CAMTA1: variants seen among roughly 807,000 people sequenced by gnomAD.
CAMTA1 encodes calmodulin-binding transcription activator 1.
CAMTA1 carries 27 observed loss-of-function variants against 170.9 expected under a neutral mutation model. That is an observed-to-expected ratio of 0.16 (90% CI 0.12 to 0.22). The LOEUF (loss-of-function observed/expected upper bound fraction) is 0.22, where lower values mean the gene tolerates loss of function less well. Ranked by LOEUF, CAMTA1 falls within the 10% of genes least tolerant of loss-of-function variation. The pLI is 1.00. For synonymous variants in CAMTA1, 833 were observed against 891.5 expected, an observed-to-expected ratio of 0.93 and a Z score of 1.17; for missense variants, 1,619 against 2,217.2, an observed-to-expected ratio of 0.73 and a Z score of 5.42.
intron 4 of CAMTA1, among the ~76,000 whole-genome samples, chr1:7,133,500 T>G (rs1474601081): frequency 1.2e-4 from 19 of 152,188 alleles, no homozygotes; most frequent in Non-Finnish European, 2.9e-5. Flanking sequence ...GTTTATCAAT[T>G]TTATTGAGCT....
chr1:7,338,655 G>C (rs1301586252), intron 5 of CAMTA1, among the ~76,000 whole-genome samples: 1 of 152,194 alleles, frequency 6.6e-6, no homozygotes, highest in Non-Finnish European at 1.5e-5. Context: ...TTTCAAGTTG[G>C]TGTGTGTGCC....
intron 3 of CAMTA1, among the ~76,000 whole-genome samples, chr1:6,883,702 G>C (rs1672286697): frequency 6.6e-6 from 1 of 152,116 alleles, no homozygotes; most frequent in Admixed American, 6.5e-5. Context: ...TCGAAGAGTA[G>C]ATAGAGGGCT....
At chr1:7,498,108 G>T (rs1164820025) in intron 6 of CAMTA1, among the ~76,000 whole-genome samples, 1 of 152,142 alleles carries the variant, frequency 6.6e-6, no homozygotes, top group African/African-American at 2.4e-5. Flanking sequence ...GAGGGGGAGG[G>T]AGGAAACGTC....
chr1:7,250,210 G>A (rs1666410562), intron 5 of CAMTA1, among the ~76,000 whole-genome samples: 1 of 152,186 alleles, frequency 6.6e-6, no homozygotes, highest in Non-Finnish European at 1.5e-5. Context: ...GTAAAGACTG[G>A]TTTCCTTGCT....
intron 5 of CAMTA1, among the ~76,000 whole-genome samples, chr1:7,351,615 G>A (rs2084679784): frequency 6.6e-6 from 1 of 152,210 alleles, no homozygotes; most frequent in African/African-American, 2.4e-5. Flanking sequence ...GCCATTCGGG[G>A]TGATGGACTT....
At chr1:7,246,473 A>G (rs897013067) in intron 4 of CAMTA1, among the ~76,000 whole-genome samples, 6 of 152,066 alleles carry the variant, frequency 3.9e-5, no homozygotes, top group Non-Finnish European at 7.4e-5. Flanking sequence ...AGCTTCTGTT[A>G]TCCTGTCTGC....
intron 3 of CAMTA1, among the ~76,000 whole-genome samples, chr1:6,858,541 C>T (rs1663387313): frequency 6.6e-6 from 1 of 150,642 alleles, no homozygotes; most frequent in African/African-American, 2.4e-5. Context: ...GTTTAGCCGG[C>T]ATTATACTGG....
At position 7,732,067 on chromosome 1, in the gene CAMTA1, T is replaced by C. The variant is rs953779525; in HGVS notation, c.2915-381T>C. 4.6e-5 allele frequency among the ~76,000 whole-genome samples: 7 copies of C among 152,172 alleles called. No homozygotes were observed. Among genetic ancestry groups the C allele is most frequent in the Admixed American group, 1.3e-4 (2 of 15,274 alleles). On this transcript the variant is annotated intron_variant, in intron 11 of 22. Transcript: ENST00000303635. The surrounding 1 kb of genome is among the most constrained non-coding windows in gnomAD (Gnocchi z 4.1). ...TTCCTTTCTTGCTGTGATTGCTTTC[T>C]TCTACTAGTTTAATTTAAATTGTAT... is the stretch of plus-strand genomic sequence containing the variant.
intron 6 of CAMTA1, among the ~76,000 whole-genome samples, chr1:7,530,343 C>G (rs2094476612): frequency 6.6e-6 from 1 of 152,230 alleles, no homozygotes; most frequent in Admixed American, 6.5e-5. Flanking sequence ...ATGCACTGAG[C>G]TGACCGAAGT....
intron 22 of CAMTA1, among the ~76,000 whole-genome samples, chr1:7,760,266 C>A (rs1472375500): frequency 6.6e-6 from 1 of 152,350 alleles, no homozygotes; most frequent in Admixed American, 6.5e-5. Flanking sequence ...GGGGTCTCAA[C>A]AGAGCAGCTC....
At chr1:7,051,156 G>A (rs549922601) in intron 3 of CAMTA1, among the ~76,000 whole-genome samples, 296 of 152,262 alleles carry the variant, frequency 1.9e-3, no homozygotes, top group Non-Finnish European at 1.8e-3. Flanking sequence ...AGTGCTTAGC[G>A]GAAGGTTGAT....
intron 1 of CAMTA1, among the ~76,000 whole-genome samples, chr1:6,806,066 A>AT (rs1182113046): frequency 6.6e-6 from 1 of 151,948 alleles, no homozygotes; most frequent in Non-Finnish European, 1.5e-5. Flanking sequence ...TTCCAGCTTC[A>AT]TTTTTTTGCA....
chr1:6,996,403 A>G (rs1021832299), intron 3 of CAMTA1, among the ~76,000 whole-genome samples: 1 of 152,182 alleles, frequency 6.6e-6, no homozygotes, highest in African/African-American at 2.4e-5. Context: ...TGCAGCAGAA[A>G]TCTCTGTCCA....
intron 11 of CAMTA1, chr1:7,693,950 AC>A (rs1324736146): frequency 6.6e-6 from 1 of 152,204 alleles, no homozygotes; most frequent in Admixed American, 6.5e-5. Flanking sequence ...GCCAGCATCT[AC>A]CCTAAATCAT....
At chr1:7,220,486 C>T (rs530135205) in intron 4 of CAMTA1, among the ~76,000 whole-genome samples, 4 of 152,266 alleles carry the variant, frequency 2.6e-5, no homozygotes, top group East Asian at 1.9e-4. Flanking sequence ...ACCCCATTCC[C>T]GGGAGCGTTC....
intron 5 of CAMTA1, among the ~76,000 whole-genome samples, chr1:7,396,846 C>A (rs1425643824): frequency 1.3e-5 from 2 of 152,158 alleles, no homozygotes; most frequent in Non-Finnish European, 2.9e-5. Context: ...GGATGAGTAC[C>A]ACTTGATCAT....
At chr1:7,184,901 A>G (rs958208290) in intron 4 of CAMTA1, among the ~76,000 whole-genome samples, 2 of 152,246 alleles carry the variant, frequency 1.3e-5, no homozygotes, top group African/African-American at 2.4e-5. Context: ...TATTTTGGCC[A>G]TGTACCACCA....
At chr1:6,811,634 G>T (rs529287456) in intron 1 of CAMTA1, among the ~76,000 whole-genome samples, 2 of 152,302 alleles carry the variant, frequency 1.3e-5, no homozygotes, top group African/African-American at 4.8e-5. Context: ...AGAGCTGTGA[G>T]TAGTTTTATA....
intron 6 of CAMTA1, among the ~76,000 whole-genome samples, chr1:7,476,717 A>T (rs2093425345): frequency 1.3e-5 from 2 of 152,144 alleles, no homozygotes; most frequent in Admixed American, 1.3e-4. Flanking sequence ...GCAGGACAGG[A>T]AGAGCCTCAC....
Sources: gnomAD v4.1 joint callset for allele counts (sites outside exome capture counted in the v4.1 genomes callset) on GRCh38, gnomAD v4.1.1 for gene constraint, Gnocchi (gnomAD v3.1) non-coding constraint, MANE v1.5 for transcripts, NCBI Gene and HGNC (gene_info 2026-07-23, HGNC 2026-07-21) for gene names.